Variants in SPIN1 observed in about 807,000 individuals in gnomAD.
The protein encoded by SPIN1 is spindlin-1.
In SPIN1, 3 loss-of-function variants were observed where a neutral mutation model predicts 26.0. The observed-to-expected ratio is 0.12, with a 90% CI of 0.05 to 0.30. The LOEUF is 0.30. SPIN1 is among the 10% of genes least tolerant of loss of function. The pLI is 1.00. For synonymous variants in SPIN1, 101 were observed against 116.5 expected (o/e 0.87, Z 0.86); for missense variants, 126 against 333.4 (o/e 0.38, Z 4.84).
intron 3 of SPIN1, among the ~76,000 whole-genome samples, chr9:88,450,869 G>A (rs1828340189): frequency 6.6e-6 from 1 of 152,170 alleles, no homozygotes. Context: ...CACATGGAGT[G>A]AGCAGGGATG....
At chr9:88,410,651 C>T (rs1827423962) in intron 1 of SPIN1, 7 of 1,210,478 alleles carry the variant, frequency 5.8e-6, no homozygotes, top group South Asian at 1.2e-5. Context: ...CTTCTGCCTC[C>T]AAAGTTTCCT....
chr9:88,470,344 C>G (rs1467356845), intron 5 of SPIN1, among the ~76,000 whole-genome samples: 1 of 152,098 alleles, frequency 6.6e-6, no homozygotes, highest in Non-Finnish European at 1.5e-5. Context: ...AGTGGAGTTG[C>G]TGGGTCATAA....
intron 1 of SPIN1, among the ~76,000 whole-genome samples, chr9:88,402,809 C>G (rs1217553129): frequency 6.6e-6 from 1 of 152,070 alleles, no homozygotes; most frequent in Non-Finnish European, 1.5e-5. Flanking sequence ...GAATTCTTTT[C>G]CTTTGGATAA....
At chr9:88,415,268 A>G (rs970078918) in intron 1 of SPIN1, among the ~76,000 whole-genome samples, 1 of 152,108 alleles carries the variant, frequency 6.6e-6, no homozygotes, top group African/African-American at 2.4e-5. Context: ...CTTGGTATAT[A>G]TGATAGCTGC....
chr9:88,420,867 C>T (rs1319621040), intron 1 of SPIN1, among the ~76,000 whole-genome samples: 1 of 152,216 alleles, frequency 6.6e-6, no homozygotes, highest in African/African-American at 2.4e-5. Context: ...AATTTAAAAA[C>T]TTCCAGCAGA....
At chr9:88,464,855 AACT>A (rs1418644728) in intron 4 of SPIN1, among the ~76,000 whole-genome samples, 4 of 152,170 alleles carry the variant, frequency 2.6e-5, no homozygotes, top group African/African-American at 7.2e-5. Context: ...AGATCTCCAG[AACT>A]ACTTCATCTT....
At chr9:88,414,015 T>TA (rs1427957185) in intron 1 of SPIN1, among the ~76,000 whole-genome samples, 1 of 139,798 alleles carries the variant, frequency 7.2e-6, no homozygotes, top group African/African-American at 3.3e-5. Flanking sequence ...GTCCAGTACT[T>TA]ATAGTTTATT....
chr9:88,395,096 C>T (rs924027236), intron 1 of SPIN1, among the ~76,000 whole-genome samples: 1 of 151,848 alleles, frequency 6.6e-6, no homozygotes, highest in Non-Finnish European at 1.5e-5. Flanking sequence ...GCGTGAGCCA[C>T]CGCGCCTGGC....
intron 4 of SPIN1, among the ~76,000 whole-genome samples, chr9:88,468,170 T>G (rs1007490192): frequency 6.6e-6 from 1 of 152,134 alleles, no homozygotes. Flanking sequence ...ATACTTCTAT[T>G]CTGTTGAATC....
chr9:88,426,460 T>G lies in SPIN1; in HGVS notation c.-80T>G, dbSNP rs1280510570. On this transcript the variant is annotated 5_prime_UTR_variant, in exon 2 of 6. It adds an upstream start codon to the 5' untranslated region. Coordinates refer to ENST00000375859, the MANE Select transcript of SPIN1 (RefSeq NM_006717.3). ...GGTGGATTAACCAGAACACTAACAT[T>G]CTGTGAAAAGTTTCAAATTGGAGAA... 8.5e-7 allele frequency: 1 copy of G among 1,182,234 alleles called. No individual in the cohort carries two copies. Among genetic ancestry groups the G allele is most frequent in the East Asian group, 2.4e-5 (1 of 41,698 alleles). The allele number at this position is 1,182,234 out of a possible 1,614,324, so 73.2% of individuals were successfully genotyped here.
At chr9:88,441,344 C>T (rs999377703) in intron 2 of SPIN1, among the ~76,000 whole-genome samples, 1 of 147,514 alleles carries the variant, frequency 6.8e-6, no homozygotes, top group African/African-American at 2.6e-5. Context: ...TATGGAGGGA[C>T]GGCTGTATTC....
intron 2 of SPIN1, among the ~76,000 whole-genome samples, chr9:88,445,200 TTTTC>T (rs756160185): frequency 1.3e-5 from 2 of 152,150 alleles, no homozygotes; most frequent in African/African-American, 2.4e-5. Context: ...GACTTTTTAC[TTTTC>T]TTTCTTTTTT....
intron 1 of SPIN1, among the ~76,000 whole-genome samples, chr9:88,390,302 C>T (rs145995143): frequency 1.3e-5 from 2 of 152,268 alleles, no homozygotes; most frequent in East Asian, 3.9e-4. Flanking sequence ...GTCTCCCTTA[C>T]TTGTGAACTG....
At position 88,404,338 on chromosome 9, in the gene SPIN1, AC is replaced by A. The variant is rs537099120; in HGVS notation, c.-159+15802del. Among the ~76,000 whole-genome samples the A allele has an allele frequency of 8.6e-4, 131 of 152,190 alleles. 1 individual carries two copies. The highest frequency in any genetic ancestry group is 3.0e-3 in the African/African-American group (126 of 41,540). ...AAAATTTTTCTTCAATAATAACTTA[AC>A]CTTAGCTTACTCTCCCCTAACCCCC... On this transcript the variant is annotated intron_variant, in intron 1 of 5. Transcript: ENST00000375859.
intron 1 of SPIN1, among the ~76,000 whole-genome samples, chr9:88,400,429 G>A (rs1827162086): frequency 1.3e-5 from 2 of 152,290 alleles, no homozygotes; most frequent in East Asian, 1.9e-4. Flanking sequence ...AGTTCAAGGA[G>A]ATAGAAAGGA....
chr9:88,468,691 A>G, intron 5 of SPIN1, 86 bp downstream of exon 5: 1 of 822,228 alleles, frequency 1.2e-6, no homozygotes, highest in South Asian at 4.6e-5. Context: ...TCTTTTGCAG[A>G]TACATTTTTA....
At chr9:88,390,545 T>G (rs1826897249) in intron 1 of SPIN1, among the ~76,000 whole-genome samples, 1 of 152,242 alleles carries the variant, frequency 6.6e-6, no homozygotes, top group Non-Finnish European at 1.5e-5. Flanking sequence ...TTCTTTTGGT[T>G]TATCCTTTAA....
At chr9:88,415,718 C>T (rs1827546343) in intron 1 of SPIN1, 1 of 152,050 alleles carries the variant, frequency 6.6e-6, no homozygotes, top group Admixed American at 6.6e-5. Flanking sequence ...CCCACCCTGC[C>T]CATTGTAACA....
chr9:88,417,934 A>C (rs1758220941), intron 1 of SPIN1, among the ~76,000 whole-genome samples: 1 of 152,238 alleles, frequency 6.6e-6, no homozygotes, highest in South Asian at 2.1e-4. Context: ...AATACAACTC[A>C]GGAACAGCCA....
Sources: gnomAD v4.1 joint callset for allele counts (sites outside exome capture counted in the v4.1 genomes callset) on GRCh38, gnomAD v4.1.1 for gene constraint, MANE v1.5 for transcripts, NCBI Gene and HGNC (gene_info 2026-07-23, HGNC 2026-07-21) for gene names.